MAPK4: variants seen among roughly 807,000 people sequenced by gnomAD.
MAPK4 encodes the protein mitogen-activated protein kinase 4.
In MAPK4, 22 loss-of-function variants were observed where a neutral mutation model predicts 47.7. That is an observed-to-expected ratio of 0.46 (90% CI 0.33 to 0.66). The LOEUF (loss-of-function observed/expected upper bound fraction) is 0.66, where lower values mean the gene tolerates loss of function less well. Among genes scored for constraint, MAPK4 ranks in the 30% least tolerant of loss-of-function variants. MAPK4 has a pLI of 0.02. For synonymous variants in MAPK4, 390 were observed against 365.7 expected (o/e 1.07, Z -0.76); for missense variants, 736 against 831.7 (o/e 0.88, Z 1.42).
intron 3 of MAPK4, among the ~76,000 whole-genome samples, chr18:50,721,466 T>A (rs1177227010): frequency 6.6e-6 from 1 of 152,206 alleles, no homozygotes; most frequent in East Asian, 1.9e-4. Flanking sequence ...AATTTGTTAT[T>A]CCTGATTTGT....
At chr18:50,629,099 T>C (rs1407107663) in intron 1 of MAPK4, among the ~76,000 whole-genome samples, 3 of 152,206 alleles carry the variant, frequency 2.0e-5, no homozygotes, top group Non-Finnish European at 4.4e-5. Flanking sequence ...TTCTGCTTTG[T>C]GGGGGCTTTC....
chr18:50,729,006 G>T, intron 5 of MAPK4, 152 bp from the exon 6 acceptor site: 1 of 661,314 alleles, frequency 1.5e-6, no homozygotes, highest in East Asian at 2.5e-5. Context: ...AGCCCCCAAG[G>T]CTCGCCATTA....
rs544495495 is a variant in MAPK4, at chr18:50,684,829, A to G, written c.546+20325A>G. ...GGAAGGCACTGGGATGAATCTAAAT[A>G]GGATGAAAAAGGAGGCTCCAGGCAG... On this transcript the variant is annotated intron_variant, in intron 2 of 5. Coordinates refer to ENST00000400384, the MANE Select transcript of MAPK4 (RefSeq NM_002747.4). 8.3e-4 allele frequency among the ~76,000 whole-genome samples: 127 copies of G among 152,250 alleles called. 1 individual carries two copies. The highest frequency in any genetic ancestry group is 6.8e-3 in the Middle Eastern group (2 of 294).
intron 2 of MAPK4, among the ~76,000 whole-genome samples, chr18:50,690,625 G>A (rs778428712): frequency 1.4e-4 from 21 of 152,300 alleles, no homozygotes; most frequent in Middle Eastern, 6.8e-3. Context: ...AAGTACAATA[G>A]GATCATTTCA....
chr18:50,598,263 C>G (rs980574991), intron 1 of MAPK4, among the ~76,000 whole-genome samples: 1 of 152,198 alleles, frequency 6.6e-6, no homozygotes, highest in Non-Finnish European at 1.5e-5. Flanking sequence ...CGGCTGTCCT[C>G]CAGGAATTTC....
rs181019067 is a variant in MAPK4 at position 50,694,329 on chromosome 18, T to A, written c.547-20750T>A. On this transcript the variant is annotated intron_variant, in intron 2 of 5. Transcript: ENST00000400384. ...GGCCACCCAGGGCCATTACTGCCCT[T>A]CATAATCCCTATCCCATGGGCCAAA... 4.6e-5 allele frequency among the ~76,000 whole-genome samples: 7 copies of A among 152,266 alleles called. No individual in the cohort carries two copies. The East Asian group carries it at 1.4e-3, about 29-fold the overall frequency.
chr18:50,595,418 G>C (rs1327782674), intron 1 of MAPK4, among the ~76,000 whole-genome samples: 1 of 152,092 alleles, frequency 6.6e-6, no homozygotes, highest in African/African-American at 2.4e-5. Flanking sequence ...ACATAATAGT[G>C]AATGAAAAAT....
At chr18:50,687,363 A>G (rs1056557731) in intron 2 of MAPK4, among the ~76,000 whole-genome samples, 1 of 152,178 alleles carries the variant, frequency 6.6e-6, no homozygotes, top group Non-Finnish European at 1.5e-5. Flanking sequence ...GCCGCTACTT[A>G]CTAGAAGCCA....
At chr18:50,697,357 GCT>G (rs774591170) in intron 2 of MAPK4, among the ~76,000 whole-genome samples, 26 of 152,320 alleles carry the variant, frequency 1.7e-4, no homozygotes, top group Admixed American at 7.8e-4. Context: ...TTGGTTCACT[GCT>G]CTGTCCCAGC....
intron 3 of MAPK4, among the ~76,000 whole-genome samples, chr18:50,715,542 C>G (rs1397160351): frequency 1.3e-5 from 2 of 152,040 alleles, no homozygotes; most frequent in East Asian, 1.9e-4. Flanking sequence ...GGAGGTGGAG[C>G]CTTTGGAAGG....
At chr18:50,672,552 G>C (rs984643916) in intron 2 of MAPK4, among the ~76,000 whole-genome samples, 1 of 152,044 alleles carries the variant, frequency 6.6e-6, no homozygotes, top group African/African-American at 2.4e-5. Flanking sequence ...CCGAGAAGAG[G>C]CTCTTCCCTC....
chr18:50,664,414 C>T lies in MAPK4; in HGVS notation c.456C>T (p.Pro152=), dbSNP rs1361487360. ...SANVLHRDLK[P]ANIFISTEDL... ...ACGTGCTGCACAGGGACCTGAAGCC[C>T]GCCAACATCTTCATCAGCACAGAGG... The change falls in exon 2 of 6, where the codon CCC becomes CCT. Residue 152 remains proline, a synonymous_variant. Transcript: ENST00000400384. The surrounding 1 kb of genome is among the most constrained non-coding windows in gnomAD (Gnocchi z 6.0). 26 of 1,613,980 alleles carry T rather than the reference C, an allele frequency of 1.6e-5. No homozygotes were observed. Among genetic ancestry groups the T allele is most frequent in the Non-Finnish European group, 2.0e-5 (24 of 1,180,030 alleles).
intron 2 of MAPK4, among the ~76,000 whole-genome samples, chr18:50,687,251 CTGGGCTCAAG>C: frequency 6.6e-6 from 1 of 152,154 alleles, no homozygotes; most frequent in South Asian, 2.1e-4. Context: ...CCCTGAACTC[CTGGGCTCAAG>C]TGATCCTGTC....
At chr18:50,633,688 C>T (rs2042853299) in intron 1 of MAPK4, among the ~76,000 whole-genome samples, 1 of 152,170 alleles carries the variant, frequency 6.6e-6, no homozygotes, top group Admixed American at 6.5e-5. Flanking sequence ...AGGGATAAAA[C>T]CTAAACTCCC....
chr18:50,727,993 G>T (rs1454196381), intron 5 of MAPK4, among the ~76,000 whole-genome samples: 1 of 152,208 alleles, frequency 6.6e-6, no homozygotes, highest in Non-Finnish European at 1.5e-5. Flanking sequence ...AAGGAGGCAG[G>T]GTTCAGCTGT....
At chr18:50,693,976 G>A (rs1283098853) in intron 2 of MAPK4, among the ~76,000 whole-genome samples, 1 of 152,204 alleles carries the variant, frequency 6.6e-6, no homozygotes, top group African/African-American at 2.4e-5. Flanking sequence ...AGGAGCTGCT[G>A]TAGGATGCAG....
In MAPK4 at chr18:50,726,188, C is replaced by G; in HGVS notation, c.1067+13C>G. The G allele has an allele frequency of 6.2e-7, 1 of 1,613,030 alleles. No homozygotes were observed. Among genetic ancestry groups the G allele is most frequent in the South Asian group, 1.1e-5 (1 of 91,054 alleles). Reference sequence around the variant, plus strand: ...CGTGCAGTTCCAGGTGCTCGCAGCCCTGGGTTCCAGAGCCCACATTTCCCT... The same window carrying G: ...CGTGCAGTTCCAGGTGCTCGCAGCCGTGGGTTCCAGAGCCCACATTTCCCT... On this transcript the variant is annotated intron_variant, in intron 5 of 5. Transcript: ENST00000400384.
intron 1 of MAPK4, among the ~76,000 whole-genome samples, chr18:50,608,501 A>G (rs979397310): frequency 6.6e-6 from 1 of 152,016 alleles, no homozygotes; most frequent in Admixed American, 6.5e-5. Context: ...TACAATGACA[A>G]CTCAAGGTGT....
intron 1 of MAPK4, among the ~76,000 whole-genome samples, chr18:50,608,322 A>G (rs1039377557): frequency 1.3e-5 from 2 of 152,212 alleles, no homozygotes; most frequent in African/African-American, 4.8e-5. Flanking sequence ...GTCAATTATA[A>G]TTTATAACTT....
Sources: gnomAD v4.1 joint callset for allele counts (sites outside exome capture counted in the v4.1 genomes callset) on GRCh38, gnomAD v4.1.1 for gene constraint, Gnocchi (gnomAD v3.1) non-coding constraint, MANE v1.5 for transcripts, NCBI Gene and HGNC (gene_info 2026-07-23, HGNC 2026-07-21) for gene names.